The following PRKN variants were observed in gnomAD, a reference collection of about 807,000 sequenced individuals.
PRKN encodes parkin RBR E3 ubiquitin protein ligase.
PRKN carries 56 observed loss-of-function variants against 59.5 expected under a neutral mutation model. That is an observed-to-expected ratio of 0.94 (90% confidence interval 0.76 to 1.18). PRKN has a LOEUF of 1.18. Ranked by LOEUF, PRKN falls within the 50% of genes most tolerant of loss-of-function variation. The pLI is 0.00. For synonymous variants in PRKN, 250 were observed against 222.1 expected, an observed-to-expected ratio of 1.13 and a Z score of -1.12; for missense variants, 657 against 596.4, an observed-to-expected ratio of 1.10 and a Z score of -1.06.
intron 9 of PRKN, among the ~76,000 whole-genome samples, chr6:161,418,687 A>G (rs1401584811): frequency 2.0e-5 from 3 of 152,198 alleles, no homozygotes; most frequent in Admixed American, 6.5e-5. Context: ...AAGTACTGGG[A>G]AAAAGATTAT....
At chr6:162,556,401 G>GTGTGTGTA (rs776385523) in intron 1 of PRKN, among the ~76,000 whole-genome samples, 1 of 131,158 alleles carries the variant, frequency 7.6e-6, no homozygotes, top group Admixed American at 7.9e-5. Flanking sequence ...GTGTGTGTGT[G>GTGTGTGTA]TGTCAGTTTG....
chr6:161,536,939 T>C (rs535576196), intron 9 of PRKN, among the ~76,000 whole-genome samples: 5 of 152,330 alleles, frequency 3.3e-5, no homozygotes, highest in Admixed American at 3.3e-4. Context: ...TTCCCATCCA[T>C]CCCATTACAG....
chr6:161,711,230 A>C (rs1786737657), intron 7 of PRKN, among the ~76,000 whole-genome samples: 1 of 152,202 alleles, frequency 6.6e-6, no homozygotes, highest in Admixed American at 6.5e-5. Context: ...TGCCTTTGAT[A>C]GTTTTACTGT....
At chr6:161,986,132 G>A (rs1168236469) in intron 5 of PRKN, among the ~76,000 whole-genome samples, 1 of 152,146 alleles carries the variant, frequency 6.6e-6, no homozygotes, top group African/African-American at 2.4e-5. Flanking sequence ...CAATGACCCA[G>A]AAGTTACTAC....
chr6:162,181,066 A>C (rs534036574), intron 4 of PRKN, among the ~76,000 whole-genome samples: 197 of 152,368 alleles, frequency 1.3e-3, no homozygotes, highest in Non-Finnish European at 2.2e-3. Context: ...CGTTTCATTC[A>C]GAAAGAACGT....
chr6:161,981,819 G>A (rs1781268903), intron 5 of PRKN, among the ~76,000 whole-genome samples: 1 of 152,164 alleles, frequency 6.6e-6, no homozygotes, highest in Admixed American at 6.5e-5. Flanking sequence ...GTTACACCTA[G>A]TCAAACAGAT....
At chr6:162,232,696 G>C (rs1428126552) in intron 3 of PRKN, among the ~76,000 whole-genome samples, 1 of 152,038 alleles carries the variant, frequency 6.6e-6, no homozygotes, top group Non-Finnish European at 1.5e-5. Flanking sequence ...AAGGTCTTTA[G>C]ATCACAGGGG....
At chr6:162,439,560 A>T (rs2082599888) in intron 2 of PRKN, among the ~76,000 whole-genome samples, 1 of 152,104 alleles carries the variant, frequency 6.6e-6, no homozygotes, top group Non-Finnish European at 1.5e-5. Flanking sequence ...CACTACTTTC[A>T]GAATCTTCCT....
chr6:162,553,163 A>T (rs764962110), intron 1 of PRKN, among the ~76,000 whole-genome samples: 1 of 152,130 alleles, frequency 6.6e-6, no homozygotes, highest in African/African-American at 2.4e-5. Context: ...GAGAGAAGAC[A>T]ATAAAGGAGA....
At chr6:161,761,572 A>T (rs895700249) in intron 7 of PRKN, among the ~76,000 whole-genome samples, 17 of 152,226 alleles carry the variant, frequency 1.1e-4, no homozygotes, top group Admixed American at 1.0e-3. Flanking sequence ...CTTTATAAAA[A>T]TACAGAACTG....
At chr6:161,519,821 C>T (rs995917467) in intron 9 of PRKN, among the ~76,000 whole-genome samples, 1 of 152,110 alleles carries the variant, frequency 6.6e-6, no homozygotes, top group African/African-American at 2.4e-5. Flanking sequence ...GAGTGGTGGC[C>T]TTCAGCGCAT....
At chr6:162,495,791 A>G (rs1442211347) in intron 1 of PRKN, among the ~76,000 whole-genome samples, 1 of 151,914 alleles carries the variant, frequency 6.6e-6, no homozygotes, top group Non-Finnish European at 1.5e-5. Context: ...ACACATCTCC[A>G]CTGTGCCTCC....
At chr6:162,195,933 C>T (rs1784473983) in intron 4 of PRKN, among the ~76,000 whole-genome samples, 1 of 152,192 alleles carries the variant, frequency 6.6e-6, no homozygotes, top group African/African-American at 2.4e-5. Context: ...CAGCTCACTT[C>T]TATGTCAATT....
chr6:162,517,783 G>A (rs1364937703), intron 1 of PRKN, among the ~76,000 whole-genome samples: 1 of 152,044 alleles, frequency 6.6e-6, no homozygotes, highest in East Asian at 1.9e-4. Flanking sequence ...CAAAAAAACT[G>A]GGTTTTATGT....
intron 4 of PRKN, among the ~76,000 whole-genome samples, chr6:162,156,002 C>T (rs573373107): frequency 1.3e-5 from 2 of 152,200 alleles, no homozygotes; most frequent in African/African-American, 4.8e-5. Context: ...AGACAAAATT[C>T]AGGGAAGGAA....
At chr6:162,540,925 G>A (rs1240205548) in intron 1 of PRKN, among the ~76,000 whole-genome samples, 5 of 152,022 alleles carry the variant, frequency 3.3e-5, no homozygotes, top group Non-Finnish European at 1.5e-5. Context: ...TAAAGTCATT[G>A]ATGTCTACAT....
At chr6:162,077,164 G>A (rs1234196134) in intron 4 of PRKN, among the ~76,000 whole-genome samples, 1 of 152,034 alleles carries the variant, frequency 6.6e-6, no homozygotes, top group African/African-American at 2.4e-5. Context: ...TTCAAAAGAT[G>A]GAAGGATACA....
At chr6:162,101,827 T>C (rs1779983578) in intron 4 of PRKN, among the ~76,000 whole-genome samples, 1 of 152,200 alleles carries the variant, frequency 6.6e-6, no homozygotes, top group Admixed American at 6.5e-5. Flanking sequence ...TAACTACTTT[T>C]GGGAGTAAGT....
At chr6:161,681,818 C>T (rs1785375969) in intron 7 of PRKN, among the ~76,000 whole-genome samples, 1 of 152,218 alleles carries the variant, frequency 6.6e-6, no homozygotes, top group Non-Finnish European at 1.5e-5. Flanking sequence ...AGATAATGTA[C>T]TAAGTCACAC....
Sources: gnomAD v4.1 joint callset for allele counts (sites outside exome capture counted in the v4.1 genomes callset) on GRCh38, gnomAD v4.1.1 for gene constraint, MANE v1.5 for transcripts, NCBI Gene and HGNC (gene_info 2026-07-23, HGNC 2026-07-21) for gene names.